PTPRZ1: variants seen among roughly 807,000 people sequenced by gnomAD.
PTPRZ1 encodes protein tyrosine phosphatase receptor type Z1.
A neutral mutation model predicts 214.1 loss-of-function variants in PTPRZ1; 82 were observed. The ratio of observed to expected loss-of-function variants is 0.38; its 90% CI spans 0.32 to 0.46. PTPRZ1 has a LOEUF of 0.46. Among genes scored for constraint, PTPRZ1 ranks in the 20% least tolerant of loss-of-function variants. The probability of loss-of-function intolerance (pLI) is 1.00; values close to 1 mark genes in which losing one functional copy is unlikely to be tolerated. For missense variants in PTPRZ1, 2,603 were observed against 2,748.7 expected (o/e 0.95, Z 1.19); for synonymous variants, 945 against 987.9 (o/e 0.96, Z 0.81).
At chr7:121,982,151 C>G (rs1046650200) in intron 6 of PTPRZ1, among the ~76,000 whole-genome samples, 4 of 152,104 alleles carry the variant, frequency 2.6e-5, no homozygotes, top group Non-Finnish European at 5.9e-5. Context: ...ATTGAAAAGA[C>G]CATCCATTCC....
intron 2 of PTPRZ1, among the ~76,000 whole-genome samples, chr7:121,938,671 T>C (rs537198649): frequency 3.3e-5 from 5 of 151,432 alleles, no homozygotes; most frequent in Admixed American, 2.6e-4. Context: ...AAAGGATTGA[T>C]ATACATTGCA....
rs1394970916 is a variant in PTPRZ1, at chr7:121,928,220, A to G, written c.123A>G (p.Thr41=). Residue 41 remains threonine, a splice_region_variant and synonymous_variant, in exon 2 of 30, where the codon ACA becomes ACG. Coordinates refer to ENST00000393386, the MANE Select transcript of PTPRZ1 (RefSeq NM_002851.3). ...TTGAAGAGATTGGCTGGTCCTATAC[A>G]GGTAAACATATTACTTATATAATGA... ...KLVEEIGWSY[T]GALNQKNWGK... 1.1e-5 allele frequency: 17 copies of G among 1,595,614 alleles called. No individual in the cohort carries two copies. The highest frequency in any genetic ancestry group is 1.5e-5 in the Non-Finnish European group (17 of 1,166,368).
intron 9 of PTPRZ1, among the ~76,000 whole-genome samples, chr7:121,997,604 A>G (rs930315005): frequency 1.3e-5 from 2 of 151,100 alleles, no homozygotes; most frequent in African/African-American, 4.9e-5. Flanking sequence ...GTACTAATTT[A>G]TGAATTTGAT....
At chr7:121,931,848 C>T (rs1795935726) in intron 2 of PTPRZ1, among the ~76,000 whole-genome samples, 1 of 152,028 alleles carries the variant, frequency 6.6e-6, no homozygotes. Flanking sequence ...TGCTCATAAC[C>T]TAAGGCCTAT....
intron 1 of PTPRZ1, among the ~76,000 whole-genome samples, chr7:121,926,651 G>A (rs756444641): frequency 3.3e-5 from 5 of 152,280 alleles, no homozygotes; most frequent in East Asian, 1.9e-4. Flanking sequence ...GGGGATGGGC[G>A]TGGGTGTGGG....
At chr7:121,897,470 A>T (rs1427461433) in intron 1 of PTPRZ1, among the ~76,000 whole-genome samples, 3 of 152,168 alleles carry the variant, frequency 2.0e-5, no homozygotes, top group Admixed American at 1.3e-4. Context: ...GTGCTTTCAG[A>T]GTATGGACAT....
chr7:121,958,881 T>A (rs1339642934), intron 2 of PTPRZ1, among the ~76,000 whole-genome samples: 1 of 152,160 alleles, frequency 6.6e-6, no homozygotes, highest in Non-Finnish European at 1.5e-5. Context: ...TGGAGTGCAG[T>A]GGCACAATCT....
rs573528925 is a variant in PTPRZ1 at position 121,884,043 on chromosome 7, G to T, written c.58+10486G>T. Reference sequence around the variant, plus strand: ...TTACTAAGTTTAGGAAAGAGAGAAGGCAGCAGCTGTCAAGACTGAAATGTA... The same window carrying T: ...TTACTAAGTTTAGGAAAGAGAGAAGTCAGCAGCTGTCAAGACTGAAATGTA... On this transcript the variant is annotated intron_variant, in intron 1 of 29. Transcript: ENST00000393386. 6.6e-5 allele frequency among the ~76,000 whole-genome samples: 10 copies of T among 152,234 alleles called. No individual in the cohort carries two copies. The East Asian group carries it at 1.9e-3, about 29-fold the overall frequency.
Position 122,039,480 on chromosome 7 carries a change from C to T in PTPRZ1, c.5529C>T (p.Ala1843=), listed in dbSNP as rs755940804. 6.8e-6 allele frequency: 11 copies of T among 1,613,768 alleles called. No homozygotes were observed. Among genetic ancestry groups the T allele is most frequent in the Admixed American group, 3.3e-5 (2 of 59,984 alleles). The change falls in exon 20 of 30, where the codon GCC becomes GCT. Residue 1843 remains alanine (A), a synonymous_variant. Transcript: ENST00000393386. The stretch of plus-strand genomic sequence containing the variant: ...GAAAATGTGATCAGTACTGGCCTGC[C>T]GATGGGAGTGAGGAGTACGGGAACT... ...GRRKCDQYWP[A]DGSEEYGNFL...
intron 21 of PTPRZ1, 135 bp from the exon 22 acceptor site, chr7:122,042,473 T>G: frequency 1.2e-6 from 1 of 807,454 alleles, no homozygotes; most frequent in Non-Finnish European, 1.8e-6. Context: ...AATATTGAAT[T>G]GCCAAATGTA....
At chr7:122,032,142 C>T (rs1206808072) in intron 15 of PTPRZ1, 1 of 152,134 alleles carries the variant, frequency 6.6e-6, no homozygotes, top group African/African-American at 2.4e-5. Flanking sequence ...GCAAATTTAT[C>T]ATGGCCCACT....
At chr7:122,042,881 A>C in intron 22 of PTPRZ1, 138 bp downstream of exon 22, 25 of 897,158 alleles carry the variant, frequency 2.8e-5, no homozygotes, top group Non-Finnish European at 4.3e-5. Context: ...TTATTGTCTC[A>C]TAGTTCTGAT....
In PTPRZ1 at chr7:122,061,313, T is replaced by C; in HGVS notation, c.*93T>C. ...TCAGTCTAGTTCTGTTATCTGTTGATTTCCCATCACCTGACAGTAACTTTC... is the reference window on the plus strand; with the variant it reads ...TCAGTCTAGTTCTGTTATCTGTTGACTTCCCATCACCTGACAGTAACTTTC... On this transcript the variant is annotated 3_prime_UTR_variant, in exon 30 of 30. Coordinates refer to ENST00000393386, the MANE Select transcript of PTPRZ1 (RefSeq NM_002851.3). 9 of 1,231,330 alleles carry C rather than the reference T, an allele frequency of 7.3e-6. No homozygotes were observed. The highest frequency in any genetic ancestry group is 9.7e-6 in the Non-Finnish European group (9 of 931,954). 76.3% of individuals were successfully genotyped at this position (1,231,330 alleles called of 1,614,324 possible).
intron 1 of PTPRZ1, among the ~76,000 whole-genome samples, chr7:121,877,206 A>G (rs1200269105): frequency 6.6e-6 from 1 of 152,106 alleles, no homozygotes; most frequent in Non-Finnish European, 1.5e-5. Flanking sequence ...ACCTTTTACA[A>G]ATGAGGGAAC....
chr7:122,024,053 A>G (rs1799133347), intron 13 of PTPRZ1, among the ~76,000 whole-genome samples: 1 of 151,760 alleles, frequency 6.6e-6, no homozygotes. Flanking sequence ...AGTTATCAAC[A>G]CTTAGCACAT....
chr7:122,041,855 T>C (rs1584770664), intron 21 of PTPRZ1, among the ~76,000 whole-genome samples: 1 of 152,288 alleles, frequency 6.6e-6, no homozygotes, highest in East Asian at 1.9e-4. Flanking sequence ...GTTAGCCTGA[T>C]TATAAACTGA....
intron 8 of PTPRZ1, among the ~76,000 whole-genome samples, chr7:121,993,216 A>C (rs928391164): frequency 6.6e-6 from 1 of 152,136 alleles, no homozygotes; most frequent in African/African-American, 2.4e-5. Context: ...TTGATTTTCA[A>C]TCCAGAAAAT....
chr7:121,939,085 T>A (rs192488891), intron 2 of PTPRZ1, among the ~76,000 whole-genome samples: 148 of 152,278 alleles, frequency 9.7e-4, no homozygotes, highest in African/African-American at 3.4e-3. Flanking sequence ...TTATTTCCAG[T>A]CTCATGGGGA....
chr7:122,001,020 A>G (rs1343786861), intron 10 of PTPRZ1, among the ~76,000 whole-genome samples: 1 of 152,016 alleles, frequency 6.6e-6, no homozygotes, highest in Non-Finnish European at 1.5e-5. Flanking sequence ...CCTGAAGAAA[A>G]ACTCAGTCTT....
Sources: gnomAD v4.1 joint callset for allele counts (sites outside exome capture counted in the v4.1 genomes callset) on GRCh38, gnomAD v4.1.1 for gene constraint, MANE v1.5 for transcripts, NCBI Gene and HGNC (gene_info 2026-07-23, HGNC 2026-07-21) for gene names.